Variants in ANK1 observed in about 807,000 individuals in gnomAD.
The protein encoded by ANK1 is ankyrin 1.
A neutral mutation model predicts 210.4 loss-of-function variants in ANK1; 51 were observed. The observed-to-expected ratio is 0.24, with a 90% CI of 0.19 to 0.31. The LOEUF is 0.31. ANK1 is among the 10% of genes least tolerant of loss of function. The probability of loss-of-function intolerance (pLI) is 1.00; values close to 1 mark genes in which losing one functional copy is unlikely to be tolerated. For synonymous variants in ANK1, 967 were observed against 1,025.9 expected (o/e 0.94, Z 1.10); for missense variants, 2,051 against 2,504.4 (o/e 0.82, Z 3.86).
intron 1 of ANK1, among the ~76,000 whole-genome samples, chr8:41,796,105 T>C (rs1304789436): frequency 6.6e-6 from 1 of 152,000 alleles, no homozygotes; most frequent in African/African-American, 2.4e-5. Context: ...GTGAGTTGAG[T>C]CTATGGATCC....
rs750604419 is a variant in ANK1, at chr8:41,718,087, C to T, written c.1206+19G>A. 2.5e-6 allele frequency: 4 copies of T among 1,612,258 alleles called. No individual in the cohort carries two copies. The South Asian group carries it at 4.4e-5, about 18-fold the overall frequency. On this transcript the variant is annotated intron_variant, in intron 11 of 42. Transcript: ENST00000289734. Reference sequence around the variant, plus strand: ...GAGACCACAGGCCTGCCCCCAGGCTCCTCTGCAGTCTCTCCTACCTCGGTG... The same window carrying T: ...GAGACCACAGGCCTGCCCCCAGGCTTCTCTGCAGTCTCTCCTACCTCGGTG...
intron 1 of ANK1, among the ~76,000 whole-genome samples, chr8:41,838,880 C>T (rs1480523201): frequency 6.6e-6 from 1 of 152,014 alleles, no homozygotes; most frequent in Non-Finnish European, 1.5e-5. Flanking sequence ...AGTTCAAGAC[C>T]AGCCTGGCCA....
At chr8:41,693,813 C>T in intron 29 of ANK1, 85 bp downstream of exon 29, 2 of 1,454,000 alleles carry the variant, frequency 1.4e-6, no homozygotes, top group Non-Finnish European at 1.9e-6. Flanking sequence ...GGATTGCTGG[C>T]CTCGCCTTCT....
chr8:41,835,401 G>A (rs1807472837), intron 1 of ANK1, among the ~76,000 whole-genome samples: 1 of 152,164 alleles, frequency 6.6e-6, no homozygotes, highest in South Asian at 2.1e-4. Context: ...GCAGTGAGCT[G>A]AGATCGTATT....
chr8:41,785,853 T>C (rs1391639101), intron 1 of ANK1, among the ~76,000 whole-genome samples: 1 of 152,200 alleles, frequency 6.6e-6, no homozygotes, highest in Admixed American at 6.5e-5. Context: ...GGCGGAGCCT[T>C]GCTCGGCCCT....
At chr8:41,730,257 G>C (rs1173138951) in intron 3 of ANK1, among the ~76,000 whole-genome samples, 1 of 152,170 alleles carries the variant, frequency 6.6e-6, no homozygotes, top group Non-Finnish European at 1.5e-5. Flanking sequence ...AGGCCGCCCT[G>C]GGGGCTGGGA....
intron 1 of ANK1, among the ~76,000 whole-genome samples, chr8:41,833,614 A>T (rs1807082855): frequency 6.6e-6 from 1 of 152,118 alleles, no homozygotes; most frequent in African/African-American, 2.4e-5. Flanking sequence ...CAAGTCTAGG[A>T]CATCTCCTTG....
Position 41,702,118 on chromosome 8 carries a change from G to A in ANK1, c.2322C>T (p.Ala774=). 1.2e-6 allele frequency: 2 copies of A among 1,614,194 alleles called. No homozygotes were observed. Among genetic ancestry groups the A allele is most frequent in the Non-Finnish European group, 1.7e-6 (2 of 1,180,044 alleles). ...TGACAGAAATGTAGCCCAAGCGCTT[G>A]GCTATGGCCAGAGGTGTGGTTCCAT... ...SSDGTTPLAI[A]KRLGYISVTD... The change falls in exon 21 of 43, where the codon GCC becomes GCT. Residue 774 remains alanine (A), a synonymous_variant. Coordinates refer to ENST00000289734, the MANE Select transcript of ANK1 (RefSeq NM_000037.4).
chr8:41,723,947 G>T (rs1158200128), intron 7 of ANK1, among the ~76,000 whole-genome samples: 1 of 151,522 alleles, frequency 6.6e-6, no homozygotes, highest in Non-Finnish European at 1.5e-5. Context: ...GCGCCACCAT[G>T]CCCGGCTAAT....
Position 41,724,568 on chromosome 8 carries a change from G to C in ANK1, c.613-14C>G. ...CGTGAATCCCGTCTGGGGCACAACA[G>C]AGGGGGAGAAACTTGTTATATGTGA... is the stretch of plus-strand genomic sequence containing the variant. On this transcript the variant is annotated splice_polypyrimidine_tract_variant and intron_variant, in intron 6 of 42. Coordinates refer to ENST00000289734, the MANE Select transcript of ANK1 (RefSeq NM_000037.4). The C allele has an allele frequency of 6.4e-7, 1 of 1,572,898 alleles. No homozygotes were observed. Among genetic ancestry groups the C allele is most frequent in the South Asian group, 1.2e-5 (1 of 85,692 alleles).
chr8:41,727,713 G>A (rs1005001419), intron 4 of ANK1, among the ~76,000 whole-genome samples, 195 bp downstream of exon 4: 5 of 152,166 alleles, frequency 3.3e-5, no homozygotes, highest in African/African-American at 1.2e-4. Flanking sequence ...TCATGCTTAG[G>A]ACACGCGGTC....
chr8:41,713,828 T>G (rs1262923005), intron 16 of ANK1, among the ~76,000 whole-genome samples: 1 of 152,174 alleles, frequency 6.6e-6, no homozygotes, highest in Non-Finnish European at 1.5e-5. Flanking sequence ...CAGGGATTTT[T>G]ATCCACACTG....
intron 1 of ANK1, among the ~76,000 whole-genome samples, chr8:41,833,223 C>T (rs1807005969): frequency 6.6e-6 from 1 of 152,166 alleles, no homozygotes; most frequent in African/African-American, 2.4e-5. Context: ...GCGATCACCC[C>T]TAGAGACCCC....
chr8:41,741,969 A>G (rs1586626000), intron 2 of ANK1, among the ~76,000 whole-genome samples: 1 of 152,216 alleles, frequency 6.6e-6, no homozygotes. Context: ...AGAGCTGTGC[A>G]CCTGCCTTTG....
intron 1 of ANK1, among the ~76,000 whole-genome samples, chr8:41,768,814 A>T (rs1031150885): frequency 2.7e-5 from 4 of 146,276 alleles, no homozygotes; most frequent in Non-Finnish European, 4.6e-5. Context: ...AAAAAAAAAA[A>T]AAATTAATTA....
At position 41,694,174 on chromosome 8, in the gene ANK1, T is replaced by C; in HGVS notation, c.3328-72A>G. 2.7e-6 allele frequency: 4 copies of C among 1,503,528 alleles called. No individual in the cohort carries two copies. The highest frequency in any genetic ancestry group is 2.4e-5 in the South Asian group (2 of 84,100). The allele number at this position is 1,503,528 out of a possible 1,614,324, so 93.1% of individuals were successfully genotyped here. ...GCTAATCAGACGGGAGGCAGCTCCATGCCTGGTGAGAGTGGCCGTCAGTGC... is the reference window on the plus strand; with the variant it reads ...GCTAATCAGACGGGAGGCAGCTCCACGCCTGGTGAGAGTGGCCGTCAGTGC... On this transcript the variant is annotated intron_variant, in intron 28 of 42. Coordinates refer to ENST00000289734, the MANE Select transcript of ANK1 (RefSeq NM_000037.4). This position sits in a 1 kb window ranked among gnomAD's most constrained non-coding sequence, Gnocchi z 5.7.
intron 22 of ANK1, chr8:41,700,289 G>T: frequency 1.1e-6 from 1 of 906,722 alleles, no homozygotes; most frequent in Non-Finnish European, 1.7e-6. Context: ...TGAATTCCCT[G>T]GTTTAGCTGA....
intron 22 of ANK1, among the ~76,000 whole-genome samples, chr8:41,699,781 G>A (rs1002388546): frequency 6.6e-6 from 1 of 152,206 alleles, no homozygotes; most frequent in Non-Finnish European, 1.5e-5. Context: ...AGGCTTTGCA[G>A]GAGGCCAAAG....
Position 41,758,134 on chromosome 8 carries a change from C to T in ANK1, c.31G>A (p.Asp11Asn), listed in dbSNP as rs760389556. 1.9e-5 allele frequency: 30 copies of T among 1,613,454 alleles called. No individual in the cohort carries two copies. The highest frequency in any genetic ancestry group is 4.5e-5 in the East Asian group (2 of 44,892). The change falls in exon 2 of 43, where the codon GAT becomes AAT. Residue 11 changes from aspartate (D) to asparagine (N), a missense_variant. Coordinates refer to ENST00000289734, the MANE Select transcript of ANK1 (RefSeq NM_000037.4). Reference sequence around the variant, plus strand: ...GCTCTCAGAAAGCTGGTAGCAGCATCGGCCTGTGAGGAAAAACAACAGGCG... The same window carrying T: ...GCTCTCAGAAAGCTGGTAGCAGCATTGGCCTGTGAGGAAAAACAACAGGCG... MPYSVGFREADAATSFLRAAR... is the reference protein window; with the variant it reads MPYSVGFREANAATSFLRAAR...
Sources: allele counts gnomAD v4.1 joint callset (sites outside exome capture counted in the v4.1 genomes callset), GRCh38; gene constraint gnomAD v4.1.1; non-coding constraint Gnocchi (gnomAD v3.1); transcripts MANE v1.5; gene names NCBI Gene and HGNC (gene_info 2026-07-23, HGNC 2026-07-21).